CDRT4: variants seen among roughly 807,000 people sequenced by gnomAD.
CDRT4 encodes the protein CMT1A duplicated region transcript 4.
For synonymous variants in CDRT4, 64 were observed against 69.6 expected (o/e 0.92, Z 0.40); for missense variants, 167 against 193.1 (o/e 0.87, Z 0.80).
chr17:15,461,871 G>A (rs1423682930), intron 1 of CDRT4, among the ~76,000 whole-genome samples: 3 of 152,076 alleles, frequency 2.0e-5, no homozygotes, highest in African/African-American at 7.2e-5. Context: ...CTGAAGGGAT[G>A]AAAAACAGAA....
At chr17:15,454,187 C>T (rs1030096809) in intron 1 of CDRT4, among the ~76,000 whole-genome samples, 1 of 152,260 alleles carries the variant, frequency 6.6e-6, no homozygotes, top group East Asian at 1.9e-4. Flanking sequence ...GCTGTCCCTA[C>T]ATCTCACCCA....
intron 1 of CDRT4, among the ~76,000 whole-genome samples, chr17:15,463,774 C>A (rs923707420): frequency 6.6e-6 from 1 of 152,182 alleles, no homozygotes; most frequent in Non-Finnish European, 1.5e-5. Context: ...TTCTGAGCAT[C>A]CTCCCGCCTG....
rs538109764 is a variant in CDRT4 at position 15,459,512 on chromosome 17, G to A, written c.-129-6427C>T. ...TAGGCTGGAGTGCAGTGGCGCGATC[G>A]CAGCTTCCTGCAAGCTCCGCCTCCT... On this transcript the variant is annotated intron_variant, in intron 1 of 3. Transcript: ENST00000619038. 8.5e-5 allele frequency among the ~76,000 whole-genome samples: 12 copies of A among 141,836 alleles called. No individual in the cohort carries two copies. The East Asian group carries it at 1.3e-3, about 16-fold the overall frequency. 93.0% of individuals were successfully genotyped at this position (141,836 alleles called of 152,430 possible).
chr17:15,445,822 C>T (rs987161627), intron 2 of CDRT4, among the ~76,000 whole-genome samples: 110 of 152,308 alleles, frequency 7.2e-4, no homozygotes, highest in Middle Eastern at 3.4e-3. Flanking sequence ...TTGTTTGTCT[C>T]ACCTCCCACT....
At position 15,460,409 on chromosome 17, in the gene CDRT4, T is replaced by TAAC. The variant is rs1555539029; in HGVS notation, c.-130+7050_-130+7051insGTT. ...CAACTACTACTGCTGCTAATAATAATATAAAAATAACTCACACTATAGGTG... is the reference window on the plus strand; with the variant it reads ...CAACTACTACTGCTGCTAATAATAATAACATAAAAATAACTCACACTATAGGTG... On this transcript the variant is annotated intron_variant, in intron 1 of 3. Transcript: ENST00000619038. Among the ~76,000 whole-genome samples the TAAC allele has an allele frequency of 1.8e-3, 273 of 152,226 alleles. 1 individual carries two copies. Among genetic ancestry groups the TAAC allele is most frequent in the African/African-American group, 6.3e-3 (261 of 41,480 alleles).
At position 15,438,097 on chromosome 17, in the gene CDRT4, C is replaced by G. The variant is rs754924897; in HGVS notation, c.135G>C (p.Glu45Asp). 1.2e-6 allele frequency: 2 copies of G among 1,614,174 alleles called. No homozygotes were observed. The highest frequency in any genetic ancestry group is 4.5e-5 in the East Asian group (2 of 44,872). The change falls in exon 4 of 4, where the codon GAG becomes GAC. Residue 45 changes from glutamate to aspartate, a missense_variant. By Grantham distance (45) the Glu-to-Asp change is conservative. Coordinates refer to ENST00000619038, the MANE Select transcript of CDRT4 (RefSeq NM_001204477.2). ...ATTCCAGTTCTCTAGTTTTGCTTTT[C>G]TCAATGAGTCTTTTCACTGTCTGAG... ...YTSQTVKRLI[E>D]KSKTRELECM...
chr17:15,459,619 T>C (rs1023122713), intron 1 of CDRT4, among the ~76,000 whole-genome samples: 1 of 151,880 alleles, frequency 6.6e-6, no homozygotes. Context: ...TAATTTTTTT[T>C]GTATTTTTAG....
chr17:15,437,587 C>T lies in CDRT4; in HGVS notation c.*186G>A. 1.6e-6 allele frequency: 1 copy of T among 636,050 alleles called. No individual in the cohort carries two copies. The highest frequency in any genetic ancestry group is 2.0e-5 in the South Asian group (1 of 49,726). The allele number at this position is 636,050 out of a possible 1,614,324, so 39.4% of individuals were successfully genotyped here. A position where few individuals can be genotyped will look rare whatever the true frequency, so the allele number is the denominator to read the frequency against. On this transcript the variant is annotated 3_prime_UTR_variant, in exon 4 of 4. Coordinates refer to ENST00000619038, the MANE Select transcript of CDRT4 (RefSeq NM_001204477.2). ...AGAGCAGTGTGGGAGGGGACACACT[C>T]ACCCACCCACCTACAGCTTGCATTC...
At chr17:15,442,275 T>G (rs527397931) in intron 2 of CDRT4, among the ~76,000 whole-genome samples, 6 of 152,048 alleles carry the variant, frequency 3.9e-5, no homozygotes, top group African/African-American at 7.2e-5. Flanking sequence ...CTGGGCGTGG[T>G]GATGCATGCC....
chr17:15,462,490 C>A (rs532574061), intron 1 of CDRT4, among the ~76,000 whole-genome samples: 1 of 151,334 alleles, frequency 6.6e-6, no homozygotes, highest in East Asian at 1.9e-4. Flanking sequence ...ATGAAGGGAC[C>A]CTACTTTGGG....
intron 2 of CDRT4, among the ~76,000 whole-genome samples, chr17:15,440,904 G>A (rs1045883498): frequency 1.3e-5 from 2 of 152,068 alleles, no homozygotes; most frequent in Non-Finnish European, 2.9e-5. Flanking sequence ...CCAGATTGCT[G>A]AGCCCACCTC....
chr17:15,449,354 A>G (rs1029022268), intron 2 of CDRT4, among the ~76,000 whole-genome samples: 1 of 152,202 alleles, frequency 6.6e-6, no homozygotes, highest in Non-Finnish European at 1.5e-5. Flanking sequence ...TAGGGACATT[A>G]AGCAGCCTGT....
intron 3 of CDRT4, chr17:15,439,287 C>A (rs148278692): frequency 4.8e-6 from 2 of 418,880 alleles, no homozygotes; most frequent in East Asian, 1.4e-4. Context: ...AAAAAAAATG[C>A]CGTAAATGGG....
At chr17:15,455,239 A>G (rs1295064932) in intron 1 of CDRT4, among the ~76,000 whole-genome samples, 3 of 152,206 alleles carry the variant, frequency 2.0e-5, no homozygotes, top group Non-Finnish European at 4.4e-5. Flanking sequence ...TTAGAAACTC[A>G]GAATTTTTTG....
rs372907725 is a variant in CDRT4, at chr17:15,441,545, C to T, written c.-47-1260G>A. On this transcript the variant is annotated intron_variant, in intron 2 of 3. Transcript: ENST00000619038. ...CTCATTTCTGCATGGAACACTCCTCCGAGATAAGCAGTTCCCAGGTTTTTC... is the reference window on the plus strand; with the variant it reads ...CTCATTTCTGCATGGAACACTCCTCTGAGATAAGCAGTTCCCAGGTTTTTC... Among the ~76,000 whole-genome samples, 5 of 152,242 alleles carry T rather than the reference C, an allele frequency of 3.3e-5. No homozygotes were observed. In the East Asian group the frequency reaches 5.8e-4, roughly 18 times the overall value.
At chr17:15,465,092 AAC>A (rs1052592213) in intron 1 of CDRT4, among the ~76,000 whole-genome samples, 5 of 148,976 alleles carry the variant, frequency 3.4e-5, no homozygotes, top group African/African-American at 7.5e-5. Flanking sequence ...AGACACACAC[AAC>A]ACAGACACAC....
intron 1 of CDRT4, among the ~76,000 whole-genome samples, chr17:15,467,013 A>C (rs1259402704): frequency 6.6e-6 from 1 of 152,134 alleles, no homozygotes; most frequent in East Asian, 1.9e-4. Context: ...TGGAGAGGTA[A>C]TGCATCTGTG....
At chr17:15,440,387 T>C in intron 2 of CDRT4, 102 bp from the exon 3 acceptor site, 1 of 1,322,520 alleles carries the variant, frequency 7.6e-7, no homozygotes, top group Non-Finnish European at 1.0e-6. Context: ...GGTCACTGCA[T>C]GAGGCTAAGA....
chr17:15,438,839 T>C (rs996793330), intron 3 of CDRT4, among the ~76,000 whole-genome samples: 2 of 152,188 alleles, frequency 1.3e-5, no homozygotes, highest in Admixed American at 6.5e-5. Context: ...CCTTATAAGG[T>C]AGGTATTCTC....
Sources: gnomAD v4.1 joint callset for allele counts (sites outside exome capture counted in the v4.1 genomes callset) on GRCh38, gnomAD v4.1.1 for gene constraint, MANE v1.5 for transcripts, NCBI Gene and HGNC (gene_info 2026-07-23, HGNC 2026-07-21) for gene names.